Variants in CLDN11 observed in about 807,000 individuals in gnomAD.
CLDN11 encodes the protein claudin-11.
CLDN11 carries 1 observed loss-of-function variant against 18.0 expected under a neutral mutation model. That is an observed-to-expected ratio of 0.06 (90% CI 0.02 to 0.26). The LOEUF (loss-of-function observed/expected upper bound fraction) is 0.26. Ranked by LOEUF, CLDN11 falls within the 10% of genes least tolerant of loss-of-function variation. The pLI is 1.00. For missense variants in CLDN11, 172 were observed against 276.6 expected, an observed-to-expected ratio of 0.62 and a Z score of 2.68; for synonymous variants, 116 against 121.5, an observed-to-expected ratio of 0.96 and a Z score of 0.30.
intron 2 of CLDN11, among the ~76,000 whole-genome samples, chr3:170,428,278 T>C (rs965695559): frequency 9.2e-5 from 14 of 152,226 alleles, no homozygotes; most frequent in African/African-American, 2.9e-4. Context: ...CATACCTGTA[T>C]TGATTTTATT....
chr3:170,430,795 C>T (rs566475917), intron 2 of CLDN11, among the ~76,000 whole-genome samples: 3 of 152,240 alleles, frequency 2.0e-5, no homozygotes, highest in Admixed American at 2.0e-4. Flanking sequence ...ATTCGCCCAC[C>T]TTGGCCTCCC....
chr3:170,421,114 A>G (rs1738711370), intron 1 of CLDN11: 3 of 138,324 alleles, frequency 2.2e-5, no homozygotes, highest in Non-Finnish European at 4.2e-5. Flanking sequence ...TTCAGAGAAC[A>G]AAGGCTGTCC....
intron 1 of CLDN11, chr3:170,421,218 G>A: frequency 1.1e-6 from 1 of 928,092 alleles, no homozygotes; most frequent in Non-Finnish European, 1.3e-6. Context: ...TTGGGTGGAG[G>A]CAGGAACAGT....
chr3:170,419,382 G>C lies in CLDN11; in HGVS notation c.226+90G>C. 1 of 936,750 alleles carries C rather than the reference G, an allele frequency of 1.1e-6. No individual in the cohort carries two copies. Among genetic ancestry groups the C allele is most frequent in the East Asian group, 2.7e-5 (1 of 37,502 alleles). 58.0% of individuals were successfully genotyped at this position (936,750 alleles called of 1,614,324 possible). On this transcript the variant is annotated intron_variant, in intron 1 of 2. Coordinates refer to ENST00000064724, the MANE Select transcript of CLDN11 (RefSeq NM_005602.6). The surrounding 1 kb of genome is among the most constrained non-coding windows in gnomAD (Gnocchi z 8.6). ...GACGGCGTCACAGAGACATTTTGGG[G>C]GCTTGAAGACCTTTGGGTACGTTTT...
intron 1 of CLDN11, chr3:170,421,229 C>T (rs1423585962): frequency 1.0e-6 from 1 of 953,268 alleles, no homozygotes; most frequent in African/African-American, 1.8e-5. Context: ...CAGGAACAGT[C>T]CTCTGTCCCT....
chr3:170,425,819 A>G (rs1738840304), intron 2 of CLDN11, among the ~76,000 whole-genome samples: 1 of 152,168 alleles, frequency 6.6e-6, no homozygotes, highest in Non-Finnish European at 1.5e-5. Flanking sequence ...GTGGATCACC[A>G]CTGCCTTTGG....
chr3:170,425,461 CAG>C (rs1356015407), intron 2 of CLDN11, among the ~76,000 whole-genome samples: 1 of 152,180 alleles, frequency 6.6e-6, no homozygotes, highest in Non-Finnish European at 1.5e-5. Flanking sequence ...CTAAAAACAA[CAG>C]AATTGTTTAG....
chr3:170,431,617 G>T (rs969564971), intron 2 of CLDN11, among the ~76,000 whole-genome samples: 6 of 152,112 alleles, frequency 3.9e-5, no homozygotes, highest in Admixed American at 3.3e-4. Context: ...GTAAAAAAAA[G>T]TCTTTATAGC....
At position 170,418,944 on chromosome 3, in the gene CLDN11, C is replaced by G; in HGVS notation, c.-123C>G. 1.4e-6 allele frequency: 1 copy of G among 726,668 alleles called. No individual in the cohort carries two copies. The highest frequency in any genetic ancestry group is 2.7e-5 in the East Asian group (1 of 36,368). 45.0% of individuals were successfully genotyped at this position (726,668 alleles called of 1,614,324 possible). A position where few individuals can be genotyped will look rare whatever the true frequency, so the allele number is the denominator to read the frequency against. On this transcript the variant is annotated 5_prime_UTR_variant, in exon 1 of 3. Transcript: ENST00000064724. This position sits in a 1 kb window ranked among gnomAD's most constrained non-coding sequence, Gnocchi z 4.3. ...GCGCCCACCTCCACCTCCAGTGTCC[C>G]GCCTCGGGCCGTCGCCCTCCAGCGG... is the stretch of plus-strand genomic sequence containing the variant.
intron 2 of CLDN11, among the ~76,000 whole-genome samples, chr3:170,430,141 A>G (rs112492232): frequency 0.012 from 1,838 of 152,344 alleles, 49 homozygotes; most frequent in African/African-American, 0.043. Flanking sequence ...TAGATTGTGT[A>G]TTGCTACGGA....
chr3:170,421,501 T>C lies in CLDN11; in HGVS notation c.227-1662T>C, dbSNP rs115948996. On this transcript the variant is annotated intron_variant, in intron 1 of 2. Transcript: ENST00000064724. ...GATGGGCAGTGCTGGAAGAGGGCCC[T>C]TGTGAAGTCCGAATTCTGGCAAAAC... Among the ~76,000 whole-genome samples the C allele has an allele frequency of 5.7e-3, 864 of 152,316 alleles. 11 individuals carry two copies. The highest frequency in any genetic ancestry group is 0.02 in the African/African-American group (826 of 41,568).
At position 170,433,962 on chromosome 3, in the gene CLDN11, G is replaced by T. The variant is rs567602707; in HGVS notation, c.*1206G>T. 2 of 152,600 alleles carry T rather than the reference G, an allele frequency of 1.3e-5. No individual in the cohort carries two copies. Among genetic ancestry groups the T allele is most frequent in the South Asian group, 2.1e-4 (1 of 4,818 alleles). The allele number at this position is 152,600 out of a possible 1,614,324, so 9.5% of individuals were successfully genotyped here. A position where few individuals can be genotyped will look rare whatever the true frequency, so the allele number is the denominator to read the frequency against. On this transcript the variant is annotated 3_prime_UTR_variant, in exon 3 of 3. Coordinates refer to ENST00000064724, the MANE Select transcript of CLDN11 (RefSeq NM_005602.6). ...GAAGTGATGTTGTTTAACATAAATT[G>T]TACTGTTGAATTTGGCTTTACGGGT...
intron 2 of CLDN11, among the ~76,000 whole-genome samples, chr3:170,429,125 C>T (rs1366176240): frequency 6.6e-6 from 1 of 152,298 alleles, no homozygotes; most frequent in Non-Finnish European, 1.5e-5. Context: ...TCTCTTGAAA[C>T]CATTGCTGAA....
rs1024061200 is a variant in CLDN11 at position 170,423,327 on chromosome 3, G to A, written c.391G>A (p.Ala131Thr). Residue 131 changes from alanine (A) to threonine (T), a missense_variant and splice_region_variant, in exon 2 of 3, where the codon GCT becomes ACT. By Grantham distance (58) the Ala-to-Thr change is moderately conservative (BLOSUM62 0). Transcript: ENST00000064724. ...GGCTGGTGTTTTGCTCATTCTGCTGGGTAAGACAGCTTTCTCAGTGGTACC... is the reference window on the plus strand; with the variant it reads ...GGCTGGTGTTTTGCTCATTCTGCTGAGTAAGACAGCTTTCTCAGTGGTACC... ...QLAGVLLILL[A>T]LCALVATIWF... 1 of 1,613,982 alleles carries A rather than the reference G, an allele frequency of 6.2e-7. No homozygotes were observed. The highest frequency in any genetic ancestry group is 2.2e-5 in the East Asian group (1 of 44,894).
At chr3:170,425,264 G>C (rs1295125686) in intron 2 of CLDN11, among the ~76,000 whole-genome samples, 1 of 152,140 alleles carries the variant, frequency 6.6e-6, no homozygotes, top group Non-Finnish European at 1.5e-5. Flanking sequence ...GCCCCGGAAG[G>C]TTCTCTTGGG....
chr3:170,421,316 G>A (rs932496237), intron 1 of CLDN11: 3 of 985,646 alleles, frequency 3.0e-6, no homozygotes, highest in Non-Finnish European at 3.6e-6. Context: ...AACCTGCATT[G>A]CCAGTTGACT....
chr3:170,418,911 A>G lies in CLDN11; in HGVS notation c.-156A>G, dbSNP rs1323625632. 8 of 594,486 alleles carry G rather than the reference A, an allele frequency of 1.3e-5. No homozygotes were observed. Among genetic ancestry groups the G allele is most frequent in the Non-Finnish European group, 1.8e-5 (6 of 338,762 alleles). The allele number at this position is 594,486 out of a possible 1,614,324, so 36.8% of individuals were successfully genotyped here. A position where few individuals can be genotyped will look rare whatever the true frequency, so the allele number is the denominator to read the frequency against. ...GTGCGCCCTTCGCCGCTGAGCTCGC[A>G]GCCTCCGGCGCCCACCTCCACCTCC... is the stretch of plus-strand genomic sequence containing the variant. On this transcript the variant is annotated 5_prime_UTR_variant, in exon 1 of 3. Transcript: ENST00000064724. The surrounding 1 kb of genome is among the most constrained non-coding windows in gnomAD (Gnocchi z 4.3).
intron 1 of CLDN11, among the ~76,000 whole-genome samples, chr3:170,422,797 A>G (rs1420910361): frequency 6.6e-6 from 1 of 152,222 alleles, no homozygotes; most frequent in Non-Finnish European, 1.5e-5. Flanking sequence ...AGGTAGAGCT[A>G]TCAATAGCAG....
intron 1 of CLDN11, among the ~76,000 whole-genome samples, chr3:170,420,287 G>A (rs1738692940): frequency 6.6e-6 from 1 of 151,794 alleles, no homozygotes. Flanking sequence ...CTACCCCCAA[G>A]GCATGTCCCT....
Sources: allele counts gnomAD v4.1 joint callset (sites outside exome capture counted in the v4.1 genomes callset), GRCh38; gene constraint gnomAD v4.1.1; non-coding constraint Gnocchi (gnomAD v3.1); transcripts MANE v1.5; gene names NCBI Gene and HGNC (gene_info 2026-07-23, HGNC 2026-07-21).